Variants in NLGN1 observed in about 807,000 individuals in gnomAD.
NLGN1 encodes the protein neuroligin-1.
NLGN1 carries 12 observed loss-of-function variants against 65.5 expected under a neutral mutation model. The observed-to-expected ratio is 0.18, with a 90% confidence interval of 0.12 to 0.30. NLGN1 has a LOEUF of 0.30. Among genes scored for constraint, NLGN1 ranks in the 10% least tolerant of loss-of-function variants. NLGN1 has a pLI of 1.00. For missense variants in NLGN1, 750 were observed against 1,007.1 expected (o/e 0.74, Z 3.46); for synonymous variants, 350 against 359.5 (o/e 0.97, Z 0.30).
intron 4 of NLGN1, among the ~76,000 whole-genome samples, chr3:174,181,307 C>A (rs573373723): frequency 1.3e-5 from 2 of 152,270 alleles, no homozygotes; most frequent in South Asian, 4.1e-4. Flanking sequence ...ACAGAACATA[C>A]CTACATTTAC....
chr3:173,840,868 T>C (rs1724638208), intron 4 of NLGN1, among the ~76,000 whole-genome samples: 1 of 152,122 alleles, frequency 6.6e-6, no homozygotes, highest in African/African-American at 2.4e-5. Flanking sequence ...CAATCTTAAT[T>C]TGCTGGTGAA....
chr3:173,644,627 A>G (rs772588246), intron 3 of NLGN1: 71 of 157,014 alleles, frequency 4.5e-4, no homozygotes, highest in Non-Finnish European at 7.2e-4. Context: ...GAACAACTCC[A>G]GCGCACTCTG....
At chr3:174,137,470 C>A (rs1454193336) in intron 4 of NLGN1, among the ~76,000 whole-genome samples, 1 of 152,072 alleles carries the variant, frequency 6.6e-6, no homozygotes, top group Non-Finnish European at 1.5e-5. Flanking sequence ...AAACTAATGT[C>A]AACCTTCTGA....
At chr3:173,440,757 C>T (rs141138802) in intron 2 of NLGN1, among the ~76,000 whole-genome samples, 116 of 152,192 alleles carry the variant, frequency 7.6e-4, no homozygotes, top group African/African-American at 2.5e-3. Context: ...TAGCATAATT[C>T]GTAAGGATCT....
At chr3:174,086,265 ATATT>A (rs575692903) in intron 4 of NLGN1, among the ~76,000 whole-genome samples, 1 of 148,872 alleles carries the variant, frequency 6.7e-6, no homozygotes, top group South Asian at 2.1e-4. Context: ...ATACATATAT[ATATT>A]TATGTATGTG....
intron 4 of NLGN1, among the ~76,000 whole-genome samples, chr3:174,192,201 C>T (rs1307436540): frequency 6.6e-6 from 1 of 151,794 alleles, no homozygotes; most frequent in Non-Finnish European, 1.5e-5. Flanking sequence ...ACATAAAAGG[C>T]ATGCTGTAAT....
chr3:173,586,855 T>C (rs1382121575), intron 2 of NLGN1, among the ~76,000 whole-genome samples: 1 of 152,222 alleles, frequency 6.6e-6, no homozygotes, highest in Non-Finnish European at 1.5e-5. Context: ...TTCTGTGTAT[T>C]GGCACAGTCT....
chr3:173,909,183 C>A (rs1243622815), intron 4 of NLGN1, among the ~76,000 whole-genome samples: 1 of 151,638 alleles, frequency 6.6e-6, no homozygotes, highest in Non-Finnish European at 1.5e-5. Flanking sequence ...CAGAACGATG[C>A]AAGGAAAGTA....
At chr3:174,277,142 C>T (rs970939383) in intron 5 of NLGN1, among the ~76,000 whole-genome samples, 4 of 151,852 alleles carry the variant, frequency 2.6e-5, no homozygotes, top group African/African-American at 9.7e-5. Flanking sequence ...AAAAAGACAT[C>T]AACTTAGGTT....
chr3:173,700,617 T>C (rs551355664), intron 3 of NLGN1, among the ~76,000 whole-genome samples: 1 of 152,344 alleles, frequency 6.6e-6, no homozygotes, highest in African/African-American at 2.4e-5. Flanking sequence ...CTCTGATGCA[T>C]CATCTTTAGG....
At chr3:173,967,602 T>C (rs558569355) in intron 4 of NLGN1, among the ~76,000 whole-genome samples, 1 of 152,312 alleles carries the variant, frequency 6.6e-6, no homozygotes, top group Admixed American at 6.5e-5. Flanking sequence ...CAGAAATGTT[T>C]ATTTAGTTTC....
chr3:173,690,981 C>T lies in NLGN1; in HGVS notation c.493+85890C>T, dbSNP rs550441905. Among the ~76,000 whole-genome samples, 6 of 152,186 alleles carry T rather than the reference C, an allele frequency of 3.9e-5. No individual in the cohort carries two copies. The South Asian group carries it at 1.2e-3, about 32-fold the overall frequency. On this transcript the variant is annotated intron_variant, in intron 3 of 6. Transcript: ENST00000457714. ...TGCAGAAGTTGTAGAAGGGTGAACA[C>T]AGTTCTAGGTAGAATATATTAAGTT...
intron 1 of NLGN1, among the ~76,000 whole-genome samples, chr3:173,429,485 G>A (rs1716790440): frequency 6.6e-6 from 1 of 152,128 alleles, no homozygotes; most frequent in Non-Finnish European, 1.5e-5. Context: ...TATTCTTAGG[G>A]TCAGACATTG....
intron 4 of NLGN1, among the ~76,000 whole-genome samples, chr3:174,100,606 G>T (rs1712210758): frequency 6.6e-6 from 1 of 151,976 alleles, no homozygotes; most frequent in African/African-American, 2.4e-5. Flanking sequence ...CAGCCACACG[G>T]AACTCTAAAA....
chr3:173,922,893 A>G (rs1422303786), intron 4 of NLGN1, among the ~76,000 whole-genome samples: 12 of 152,066 alleles, frequency 7.9e-5, no homozygotes, highest in African/African-American at 2.9e-4. Flanking sequence ...CAGTTTCTTC[A>G]CCTGAAAATG....
At chr3:173,414,927 G>A (rs775759504) in intron 1 of NLGN1, among the ~76,000 whole-genome samples, 3 of 152,104 alleles carry the variant, frequency 2.0e-5, no homozygotes, top group Admixed American at 6.5e-5. Flanking sequence ...TATGAATAAC[G>A]TCATCAGAGA....
At chr3:174,088,389 A>G in intron 4 of NLGN1, among the ~76,000 whole-genome samples, 1 of 152,174 alleles carries the variant, frequency 6.6e-6, no homozygotes, top group East Asian at 1.9e-4. Flanking sequence ...TTATTGCCGC[A>G]ATTGAGGGCG....
intron 4 of NLGN1, among the ~76,000 whole-genome samples, chr3:173,977,447 T>C (rs531344273): frequency 3.3e-5 from 5 of 151,986 alleles, no homozygotes; most frequent in African/African-American, 4.8e-5. Context: ...TTTATCTGAG[T>C]TGACAAGGCG....
intron 4 of NLGN1, among the ~76,000 whole-genome samples, chr3:174,090,348 C>G (rs1744273856): frequency 1.3e-5 from 2 of 152,012 alleles, no homozygotes; most frequent in Admixed American, 1.3e-4. Context: ...TGGCAGGTGC[C>G]TGTAATCCCA....
Sources: allele counts gnomAD v4.1 joint callset (sites outside exome capture counted in the v4.1 genomes callset), GRCh38; gene constraint gnomAD v4.1.1; transcripts MANE v1.5; gene names NCBI Gene and HGNC (gene_info 2026-07-23, HGNC 2026-07-21).